NLN: variants seen among roughly 807,000 people sequenced by gnomAD.
The protein encoded by NLN is neurolysin, mitochondrial.
Under a neutral mutation model 79.9 loss-of-function variants are expected in NLN, and 64 were observed. The ratio of observed to expected loss-of-function variants is 0.80; its 90% CI spans 0.65 to 0.99. The LOEUF is 0.99. Among genes scored for constraint, NLN ranks in the 50% least tolerant of loss-of-function variants. The pLI is 0.00. For missense variants in NLN, 835 were observed against 858.7 expected (o/e 0.97, Z 0.34); for synonymous variants, 267 against 296.6 (o/e 0.90, Z 1.02).
intron 2 of NLN, among the ~76,000 whole-genome samples, 194 bp downstream of exon 2, chr5:65,759,020 G>A (rs750361453): frequency 5.9e-5 from 9 of 152,168 alleles, no homozygotes; most frequent in Non-Finnish European, 1.3e-4. Context: ...TGATTACACT[G>A]CTCTCTGGAG....
intron 3 of NLN, among the ~76,000 whole-genome samples, chr5:65,771,945 A>C (rs1300301603): frequency 2.1e-5 from 3 of 139,678 alleles, no homozygotes; most frequent in African/African-American, 8.0e-5. Context: ...AAAAAGAACC[A>C]CTACCTTAAA....
rs1561217312 is a variant in NLN, at chr5:65,822,805, A to T, written c.2005A>T (p.Ile669Phe). 6.2e-7 allele frequency: 1 copy of T among 1,612,024 alleles called. No individual in the cohort carries two copies. Residue 669 changes from isoleucine to phenylalanine, a missense_variant, in exon 13 of 13, where the codon ATC becomes TTC. Physicochemically the swap from Ile to Phe is conservative, Grantham distance 21 (BLOSUM62 0). Transcript: ENST00000380985. Reference sequence around the variant, plus strand: ...GGTTGGAATGAAATACAGAAACCTAATCCTGAAACCTGGGGGATCTCTGGA... The same window carrying T: ...GGTTGGAATGAAATACAGAAACCTATTCCTGAAACCTGGGGGATCTCTGGA... ...PEVGMKYRNL[I>F]LKPGGSLDGM... is the part of the protein sequence containing the mutation.
chr5:65,730,908 A>G (rs1388066175), intron 1 of NLN, among the ~76,000 whole-genome samples: 3 of 152,330 alleles, frequency 2.0e-5, no homozygotes, highest in South Asian at 2.1e-4. Context: ...TTGCCTGGTT[A>G]TATCCATTCC....
intron 6 of NLN, among the ~76,000 whole-genome samples, chr5:65,784,081 C>T (rs1343829051): frequency 1.3e-5 from 2 of 151,984 alleles, no homozygotes; most frequent in East Asian, 1.9e-4. Flanking sequence ...CAGAATTTGC[C>T]CAAGATCAGG....
rs577539142 is a variant in NLN, at chr5:65,783,236, T to C, written c.822+1815T>C. ...ACAGATGATGGTAGTGGTTGCACAA[T>C]AGAATGAGTATTATTGCCGTTGAAT... On this transcript the variant is annotated intron_variant, in intron 6 of 12. Transcript: ENST00000380985. Among the ~76,000 whole-genome samples the C allele has an allele frequency of 1.2e-4, 19 of 152,260 alleles. 1 individual carries two copies. In the South Asian group the frequency reaches 3.7e-3, roughly 30 times the overall value.
intron 8 of NLN, among the ~76,000 whole-genome samples, chr5:65,790,559 AACTC>A (rs1305957850): frequency 6.6e-6 from 1 of 152,168 alleles, no homozygotes; most frequent in East Asian, 1.9e-4. Context: ...CTCTTGTGAG[AACTC>A]ACTCACTATC....
chr5:65,735,769 C>T (rs552726818), intron 1 of NLN, among the ~76,000 whole-genome samples: 2 of 152,284 alleles, frequency 1.3e-5, no homozygotes, highest in East Asian at 3.9e-4. Context: ...AGTCTGACCC[C>T]TGTGTAGCTC....
intron 1 of NLN, among the ~76,000 whole-genome samples, chr5:65,726,388 T>C (rs145294717): frequency 1.4e-4 from 22 of 152,378 alleles, no homozygotes; most frequent in African/African-American, 3.8e-4. Flanking sequence ...AAAATATAGC[T>C]ACTAGTATAG....
chr5:65,726,086 T>A (rs1269811308), intron 1 of NLN, among the ~76,000 whole-genome samples: 1 of 142,446 alleles, frequency 7.0e-6, no homozygotes, highest in African/African-American at 2.7e-5. Flanking sequence ...CACTCCAGCC[T>A]GGGCGACAGA....
intron 12 of NLN, among the ~76,000 whole-genome samples, chr5:65,815,556 T>A (rs1054831261): frequency 2.0e-5 from 3 of 152,228 alleles, no homozygotes; most frequent in African/African-American, 7.2e-5. Flanking sequence ...TTCCTTCCTT[T>A]ACACTTTTTC....
chr5:65,800,495 GA>G (rs1473424488), intron 9 of NLN, among the ~76,000 whole-genome samples: 2 of 151,974 alleles, frequency 1.3e-5, no homozygotes, highest in Admixed American at 6.6e-5. Flanking sequence ...CTAACACGGT[GA>G]AACCCCATCT....
intron 12 of NLN, among the ~76,000 whole-genome samples, chr5:65,813,492 A>C (rs984783458): frequency 1.3e-5 from 2 of 151,748 alleles, no homozygotes; most frequent in Non-Finnish European, 2.9e-5. Flanking sequence ...GACATGCCCA[A>C]CTGCAAAGTC....
chr5:65,727,550 C>A (rs1204777245), intron 1 of NLN, among the ~76,000 whole-genome samples: 1 of 151,642 alleles, frequency 6.6e-6, no homozygotes, highest in Non-Finnish European at 1.5e-5. Flanking sequence ...AAGCAAAAAA[C>A]CTCTATATTG....
At chr5:65,729,347 G>A (rs1364366594) in intron 1 of NLN, among the ~76,000 whole-genome samples, 4 of 144,342 alleles carry the variant, frequency 2.8e-5, no homozygotes, top group Non-Finnish European at 6.0e-5. Context: ...AATGGATTTG[G>A]TTATAAAATA....
At chr5:65,801,059 C>T (rs1760275601) in intron 9 of NLN, among the ~76,000 whole-genome samples, 1 of 152,112 alleles carries the variant, frequency 6.6e-6, no homozygotes. Flanking sequence ...TCTAAGTTTA[C>T]ATTGTTTTCT....
Position 65,781,250 on chromosome 5 carries a change from A to G in NLN, c.662-11A>G, listed in dbSNP as rs1395485133. On this transcript the variant is annotated splice_polypyrimidine_tract_variant and intron_variant, in intron 5 of 12. Coordinates refer to ENST00000380985, the MANE Select transcript of NLN (RefSeq NM_020726.5). Reference sequence around the variant, plus strand: ...GGAAAATTTGATATATGAGAAAATGATTTTTTGCAGGTGCTCTTCCTGATG... The same window carrying G: ...GGAAAATTTGATATATGAGAAAATGGTTTTTTGCAGGTGCTCTTCCTGATG... The G allele has an allele frequency of 6.3e-7, 1 of 1,595,922 alleles. No homozygotes were observed. The highest frequency in any genetic ancestry group is 8.6e-7 in the Non-Finnish European group (1 of 1,169,396).
At chr5:65,822,274 C>T (rs1030155354) in intron 12 of NLN, among the ~76,000 whole-genome samples, 2 of 152,242 alleles carry the variant, frequency 1.3e-5, no homozygotes, top group South Asian at 2.1e-4. Context: ...CTGCGGGGCA[C>T]GTACAGCCCT....
intron 12 of NLN, among the ~76,000 whole-genome samples, chr5:65,814,151 A>C (rs981357234): frequency 6.6e-6 from 1 of 152,118 alleles, no homozygotes; most frequent in African/African-American, 2.4e-5. Flanking sequence ...TTGGTATAAG[A>C]AGTCTTTGCA....
chr5:65,798,844 A>G (rs954183872), intron 9 of NLN, among the ~76,000 whole-genome samples: 1 of 152,152 alleles, frequency 6.6e-6, no homozygotes, highest in African/African-American at 2.4e-5. Context: ...ATTTTTTAAA[A>G]ATCAAAATAT....
Sources: allele counts gnomAD v4.1 joint callset (sites outside exome capture counted in the v4.1 genomes callset), GRCh38; gene constraint gnomAD v4.1.1; transcripts MANE v1.5; gene names NCBI Gene and HGNC (gene_info 2026-07-23, HGNC 2026-07-21).